Variants in SPAG1 observed in about 807,000 individuals in gnomAD.
SPAG1 encodes the protein sperm-associated antigen 1.
A neutral mutation model predicts 100.5 loss-of-function variants in SPAG1; 69 were observed. That is an observed-to-expected ratio of 0.69 (90% confidence interval 0.57 to 0.84). The LOEUF (loss-of-function observed/expected upper bound fraction) is 0.84. SPAG1 is among the 40% of genes least tolerant of loss of function. SPAG1 has a pLI of 0.00. For synonymous variants in SPAG1, 336 were observed against 411.6 expected (o/e 0.82, Z 2.22); for missense variants, 955 against 1,133.1 (o/e 0.84, Z 2.26).
chr8:100,239,006 T>TG lies in SPAG1; in HGVS notation c.2116-233dup, dbSNP rs1334182084. On this transcript the variant is annotated intron_variant, in intron 16 of 18. Transcript: ENST00000388798. This position sits in a 1 kb window ranked among gnomAD's most constrained non-coding sequence, Gnocchi z 5.0. The stretch of plus-strand genomic sequence containing the variant: ...GGTTGTGGTGATACAGAATTTAACT[T>TG]GCGTTTTCTAACTCCAGATCCTGTG... Among the ~76,000 whole-genome samples, 1 of 152,196 alleles carries TG rather than the reference T, an allele frequency of 6.6e-6. No individual in the cohort carries two copies. Among genetic ancestry groups the TG allele is most frequent in the Admixed American group, 6.5e-5 (1 of 15,276 alleles).
intron 15 of SPAG1, 99 bp downstream of exon 15, chr8:100,231,387 G>A: frequency 1.2e-6 from 1 of 821,900 alleles, no homozygotes. Flanking sequence ...AATTGCCAAA[G>A]TTTTTTGTGA....
At chr8:100,163,242 C>T (rs189472498) in intron 2 of SPAG1, among the ~76,000 whole-genome samples, 1 of 152,046 alleles carries the variant, frequency 6.6e-6, no homozygotes, top group African/African-American at 2.4e-5. Flanking sequence ...CTATTCCCAG[C>T]GATTCTGCTT....
intron 10 of SPAG1, among the ~76,000 whole-genome samples, chr8:100,197,697 C>A (rs533339348): frequency 2.0e-5 from 3 of 152,200 alleles, no homozygotes; most frequent in Non-Finnish European, 2.9e-5. Context: ...AAAAAGGCAG[C>A]AATTTGTGTT....
chr8:100,230,525 A>G (rs1586546783), intron 14 of SPAG1, among the ~76,000 whole-genome samples: 1 of 152,310 alleles, frequency 6.6e-6, no homozygotes, highest in African/African-American at 2.4e-5. Context: ...AATTCTCTCC[A>G]TCTCTAAGGT....
chr8:100,179,086 A>C (rs1816254393), intron 4 of SPAG1, among the ~76,000 whole-genome samples: 1 of 143,766 alleles, frequency 7.0e-6, no homozygotes, highest in Non-Finnish European at 1.5e-5. Flanking sequence ...AAAACCACAA[A>C]AACAAACAAA....
Position 100,184,049 on chromosome 8 carries a change from A to T in SPAG1, c.582A>T (p.Arg194Ser). The change falls in exon 6 of 19, where the codon AGA becomes AGT. Residue 194 changes from arginine (R) to serine (S), a missense_variant. By Grantham distance (110) the Arg-to-Ser change is moderately radical. Coordinates refer to ENST00000388798, the MANE Select transcript of SPAG1 (RefSeq NM_003114.5). ...CACACTTGTCTAAAATTGAGACAAG[A>T]ATAGATACAGCAGGTAATTGGAGAA... ...DKSHLSKIET[R>S]IDTAGLTEKE... 7.0e-7 allele frequency: 1 copy of T among 1,430,450 alleles called. No homozygotes were observed. Among genetic ancestry groups the T allele is most frequent in the Non-Finnish European group, 9.5e-7 (1 of 1,052,130 alleles). 88.6% of individuals were successfully genotyped at this position (1,430,450 alleles called of 1,614,324 possible). A position where few individuals can be genotyped will look rare whatever the true frequency, so the allele number is the denominator to read the frequency against.
At chr8:100,194,647 C>G in intron 10 of SPAG1, 2 of 387,342 alleles carry the variant, frequency 5.2e-6, no homozygotes, top group Non-Finnish European at 9.1e-6. Flanking sequence ...TATGGGTAGC[C>G]CCATTTATAT....
At chr8:100,213,702 G>A (rs2132355640) in intron 11 of SPAG1, 117 bp from the exon 12 acceptor site, 1 of 652,770 alleles carries the variant, frequency 1.5e-6, no homozygotes, top group Non-Finnish European at 2.6e-6. Context: ...AGTTCTGCAT[G>A]ATCAGTCTGC....
In SPAG1 at chr8:100,164,170, T is replaced by C. The variant is rs376087416; in HGVS notation, c.141-1644T>C. Among the ~76,000 whole-genome samples, 7 of 152,282 alleles carry C rather than the reference T, an allele frequency of 4.6e-5. No homozygotes were observed. The East Asian group carries it at 7.7e-4, about 17-fold the overall frequency. ...AGCTGTTTATCTGCCATTTTCTTCC[T>C]ACCTCTTTGAAATAAAAAAATTTAT... On this transcript the variant is annotated intron_variant, in intron 2 of 18. Transcript: ENST00000388798.
intron 14 of SPAG1, 112 bp from the exon 15 acceptor site, chr8:100,231,044 A>ATGGTCAAGTTAATTTCACACC (rs1818745059): frequency 1.2e-6 from 1 of 833,572 alleles, no homozygotes; most frequent in South Asian, 3.1e-5. Flanking sequence ...TTCACCCTGC[A>ATGGTCAAGTTAATTTCACACC]TGCTGTGTGG....
At chr8:100,232,480 C>T (rs1167040146) in intron 15 of SPAG1, among the ~76,000 whole-genome samples, 1 of 152,152 alleles carries the variant, frequency 6.6e-6, no homozygotes. Context: ...ATCTCTTCTG[C>T]ACTCAGGGCT....
rs144463109 is a variant in SPAG1, at chr8:100,212,989, A to G, written c.1097-101A>G. 1,358 of 967,416 alleles carry G rather than the reference A, an allele frequency of 1.4e-3. 14 individuals carry two copies. In the African/African-American group the frequency reaches 0.023, roughly 16 times the overall value. The allele number at this position is 967,416 out of a possible 1,614,324, so 59.9% of individuals were successfully genotyped here. ...GCGGTGCCCGAGCCGGCTTCCCTAGAGCCCGCCCTCCGCGTCCTGCACCCC... is the reference window on the plus strand; with the variant it reads ...GCGGTGCCCGAGCCGGCTTCCCTAGGGCCCGCCCTCCGCGTCCTGCACCCC... On this transcript the variant is annotated intron_variant, in intron 10 of 18. Coordinates refer to ENST00000388798, the MANE Select transcript of SPAG1 (RefSeq NM_003114.5).
At chr8:100,215,993 C>T (rs1491001501) in intron 12 of SPAG1, among the ~76,000 whole-genome samples, 1 of 152,212 alleles carries the variant, frequency 6.6e-6, no homozygotes, top group African/African-American at 2.4e-5. Context: ...TGCTGGCTCA[C>T]ACTCGCTAAT....
chr8:100,231,068 C>G, intron 14 of SPAG1, 88 bp from the exon 15 acceptor site: 1 of 1,183,214 alleles, frequency 8.5e-7, no homozygotes, highest in South Asian at 2.2e-5. Flanking sequence ...AGTTAATTTG[C>G]AATAGAAGAT....
intron 3 of SPAG1, among the ~76,000 whole-genome samples, chr8:100,176,611 C>T (rs774818283): frequency 7.2e-5 from 11 of 152,256 alleles, no homozygotes; most frequent in East Asian, 3.9e-4. Flanking sequence ...GTGATCTGCC[C>T]GCTTCGGCCT....
At chr8:100,230,598 A>G (rs537929480) in intron 14 of SPAG1, among the ~76,000 whole-genome samples, 5 of 152,300 alleles carry the variant, frequency 3.3e-5, no homozygotes, top group African/African-American at 1.2e-4. Flanking sequence ...GTCAAGATGG[A>G]TAACATGACA....
At chr8:100,186,334 G>A (rs1816588604) in intron 7 of SPAG1, among the ~76,000 whole-genome samples, 1 of 152,088 alleles carries the variant, frequency 6.6e-6, no homozygotes, top group African/African-American at 2.4e-5. Context: ...GTCTCCCAAA[G>A]TGCTGAGATT....
intron 16 of SPAG1, among the ~76,000 whole-genome samples, chr8:100,236,027 C>G (rs1438661613): frequency 1.3e-5 from 2 of 152,164 alleles, no homozygotes; most frequent in Non-Finnish European, 2.9e-5. Flanking sequence ...GCACATTTAC[C>G]TCTTACTGGC....
chr8:100,206,508 C>A (rs912345099), intron 10 of SPAG1, among the ~76,000 whole-genome samples: 1 of 152,196 alleles, frequency 6.6e-6, no homozygotes, highest in Non-Finnish European at 1.5e-5. Context: ...GTAGCAAACA[C>A]ACTGGACTTA....
Sources: gnomAD v4.1 joint callset for allele counts (sites outside exome capture counted in the v4.1 genomes callset) on GRCh38, gnomAD v4.1.1 for gene constraint, Gnocchi (gnomAD v3.1) non-coding constraint, MANE v1.5 for transcripts, NCBI Gene and HGNC (gene_info 2026-07-23, HGNC 2026-07-21) for gene names.